The following GRAMD1B variants were observed in gnomAD, a reference collection of about 807,000 sequenced individuals.
GRAMD1B encodes the protein protein Aster-B.
Under a neutral mutation model 99.7 loss-of-function variants are expected in GRAMD1B, and 37 were observed. The ratio of observed to expected loss-of-function variants is 0.37; its 90% CI spans 0.29 to 0.49. The LOEUF is 0.49. Among genes scored for constraint, GRAMD1B ranks in the 20% least tolerant of loss-of-function variants. The pLI is 0.98. For synonymous variants in GRAMD1B, 427 were observed against 387.6 expected (o/e 1.10, Z -1.19); for missense variants, 888 against 1,009.2 (o/e 0.88, Z 1.63).
At chr11:123,485,352 G>A (rs1222878503) in intron 2 of GRAMD1B, among the ~76,000 whole-genome samples, 1 of 152,146 alleles carries the variant, frequency 6.6e-6, no homozygotes, top group Non-Finnish European at 1.5e-5. Flanking sequence ...GTTCAGAACG[G>A]TTATAGTATT....
At chr11:123,594,954 A>G (rs1470217960) in intron 6 of GRAMD1B, 116 bp downstream of exon 6, 1 of 668,214 alleles carries the variant, frequency 1.5e-6, no homozygotes, top group East Asian at 2.6e-5. Flanking sequence ...CGTAATTAAC[A>G]AAAGCATGCC....
intron 2 of GRAMD1B, among the ~76,000 whole-genome samples, chr11:123,511,475 T>C (rs1462270091): frequency 6.6e-6 from 1 of 152,102 alleles, no homozygotes; most frequent in Non-Finnish European, 1.5e-5. Context: ...GCTTGCAATT[T>C]GAAATTTGCT....
upstream of GRAMD1B, among the ~76,000 whole-genome samples, chr11:123,426,768 A>G (rs1414021940): frequency 6.6e-6 from 1 of 152,216 alleles, no homozygotes; most frequent in Non-Finnish European, 1.5e-5. Flanking sequence ...AGCGCCTTCC[A>G]GTTCACATTT....
At chr11:123,437,413 G>A (rs1216167908) in intron 1 of GRAMD1B, among the ~76,000 whole-genome samples, 1 of 152,206 alleles carries the variant, frequency 6.6e-6, no homozygotes, top group Non-Finnish European at 1.5e-5. Context: ...GGAGGGGGAA[G>A]GGAAAGCTGA....
At position 123,605,308 on chromosome 11, in the gene GRAMD1B, G is replaced by C. The variant is rs760809692; in HGVS notation, c.1167-14G>C. 7 of 1,588,192 alleles carry C rather than the reference G, an allele frequency of 4.4e-6. No homozygotes were observed. The highest frequency in any genetic ancestry group is 6.0e-6 in the Non-Finnish European group (7 of 1,164,494). ...CACTGAGGGTAATGTGGACTCACTG[G>C]TGTCTCCTCTCAGATACTGTGAAGA... On this transcript the variant is annotated splice_polypyrimidine_tract_variant and intron_variant, in intron 9 of 19. Transcript: ENST00000635736.
intron 2 of GRAMD1B, among the ~76,000 whole-genome samples, chr11:123,526,774 T>C (rs1942813748): frequency 6.6e-6 from 1 of 152,192 alleles, no homozygotes. Context: ...TTCCTGGGCT[T>C]AATCTTGGGA....
chr11:123,383,679 C>T (rs1481371390), intron 1 of GRAMD1B, among the ~76,000 whole-genome samples: 1 of 151,904 alleles, frequency 6.6e-6, no homozygotes, highest in Admixed American at 6.6e-5. Context: ...TCTAGTGGGT[C>T]TTTCGTTTTT....
intron 2 of GRAMD1B, among the ~76,000 whole-genome samples, chr11:123,527,199 C>G (rs767778172): frequency 6.6e-6 from 1 of 152,112 alleles, no homozygotes; most frequent in Non-Finnish European, 1.5e-5. Flanking sequence ...GGCGGCAGGT[C>G]ACATCTCTGA....
At chr11:123,421,702 C>T (rs1464054612) in intron 1 of GRAMD1B, among the ~76,000 whole-genome samples, 2 of 152,214 alleles carry the variant, frequency 1.3e-5, no homozygotes, top group Non-Finnish European at 2.9e-5. Flanking sequence ...TATCTGCTTA[C>T]ATCCAGGGAG....
At chr11:123,382,625 C>T (rs150446170) in intron 1 of GRAMD1B, among the ~76,000 whole-genome samples, 38 of 152,056 alleles carry the variant, frequency 2.5e-4, no homozygotes, top group East Asian at 5.8e-4. Flanking sequence ...CTATGTTATG[C>T]GTTTGTGAAA....
At chr11:123,464,382 TG>T (rs1280083260) in intron 1 of GRAMD1B, among the ~76,000 whole-genome samples, 1 of 152,200 alleles carries the variant, frequency 6.6e-6, no homozygotes, top group Non-Finnish European at 1.5e-5. Flanking sequence ...GGCATCCACT[TG>T]TAGACGCCGA....
At chr11:123,487,859 G>A (rs1033438242) in intron 2 of GRAMD1B, among the ~76,000 whole-genome samples, 4 of 152,082 alleles carry the variant, frequency 2.6e-5, no homozygotes, top group African/African-American at 7.2e-5. Context: ...TGCCTGCTTC[G>A]GCCTCCCCAA....
chr11:123,370,045 T>C (rs942922588), intron 1 of GRAMD1B, among the ~76,000 whole-genome samples: 11 of 152,080 alleles, frequency 7.2e-5, no homozygotes, highest in Non-Finnish European at 1.3e-4. Context: ...CCGGGCATGA[T>C]GGCTCATGCC....
chr11:123,557,517 A>G (rs1946287712), intron 2 of GRAMD1B, among the ~76,000 whole-genome samples: 1 of 152,234 alleles, frequency 6.6e-6, no homozygotes, highest in South Asian at 2.1e-4. Flanking sequence ...TTTCAACAGT[A>G]GCTATTGCTT....
intron 8 of GRAMD1B, among the ~76,000 whole-genome samples, chr11:123,602,088 T>G (rs1952054269): frequency 6.6e-6 from 1 of 151,274 alleles, no homozygotes; most frequent in Non-Finnish European, 1.5e-5. Flanking sequence ...GAGGGGGAGG[T>G]CCAGGAGAGA....
At chr11:123,605,627 T>C (rs1363014448) in intron 10 of GRAMD1B, 149 bp downstream of exon 10, 2 of 658,940 alleles carry the variant, frequency 3.0e-6, no homozygotes, top group Admixed American at 2.9e-5. Context: ...CTGGAGCAGA[T>C]GGGCTCTCCG....
chr11:123,441,904 GA>G (rs1319694722), intron 1 of GRAMD1B, among the ~76,000 whole-genome samples: 16 of 152,334 alleles, frequency 1.1e-4, no homozygotes, highest in African/African-American at 3.8e-4. Flanking sequence ...TTCTCATTCA[GA>G]TTTTCCTTTT....
intron 1 of GRAMD1B, among the ~76,000 whole-genome samples, chr11:123,466,987 C>G (rs1395566075): frequency 6.6e-6 from 1 of 152,082 alleles, no homozygotes; most frequent in African/African-American, 2.4e-5. Context: ...TCTCCTTGCC[C>G]CTTTTCTCAG....
chr11:123,594,399 T>C (rs117594276), intron 5 of GRAMD1B, among the ~76,000 whole-genome samples: 1 of 152,204 alleles, frequency 6.6e-6, no homozygotes, highest in African/African-American at 2.4e-5. Flanking sequence ...ATCTCTGCAG[T>C]TGGCCCAGTG....
Sources: gnomAD v4.1 joint callset for allele counts (sites outside exome capture counted in the v4.1 genomes callset) on GRCh38, gnomAD v4.1.1 for gene constraint, MANE v1.5 for transcripts, NCBI Gene and HGNC (gene_info 2026-07-23, HGNC 2026-07-21) for gene names.